PTPRR: variants seen among roughly 807,000 people sequenced by gnomAD.
PTPRR encodes protein tyrosine phosphatase receptor type R.
A neutral mutation model predicts 77.2 loss-of-function variants in PTPRR; 38 were observed. The ratio of observed to expected loss-of-function variants is 0.49; its 90% confidence interval spans 0.38 to 0.65. The LOEUF (loss-of-function observed/expected upper bound fraction) is 0.65, where lower values mean the gene tolerates loss of function less well. Ranked by LOEUF, PTPRR falls within the 30% of genes least tolerant of loss-of-function variation. The pLI, the probability that PTPRR is intolerant of heterozygous loss-of-function variation, is 0.00. For missense variants in PTPRR, 744 were observed against 799.2 expected, an observed-to-expected ratio of 0.93 and a Z score of 0.83; for synonymous variants, 299 against 283.1, an observed-to-expected ratio of 1.06 and a Z score of -0.57.
At chr12:70,769,667 T>A (rs892223943) in intron 2 of PTPRR, among the ~76,000 whole-genome samples, 4 of 151,888 alleles carry the variant, frequency 2.6e-5, no homozygotes, top group African/African-American at 7.3e-5. Flanking sequence ...TACTTTAAAG[T>A]TCATATGGAA....
intron 2 of PTPRR, among the ~76,000 whole-genome samples, chr12:70,817,170 C>T (rs1373264967): frequency 6.6e-6 from 1 of 151,994 alleles, no homozygotes; most frequent in Non-Finnish European, 1.5e-5. Context: ...AAAAGTAACA[C>T]CTATGTTAAA....
intron 10 of PTPRR, among the ~76,000 whole-genome samples, chr12:70,668,673 T>A (rs1887102658): frequency 6.6e-6 from 1 of 152,212 alleles, no homozygotes; most frequent in South Asian, 2.1e-4. Context: ...CACTTTATTT[T>A]AAAGTAAAAT....
chr12:70,691,550 C>T (rs1360084327), intron 8 of PTPRR, among the ~76,000 whole-genome samples: 3 of 152,164 alleles, frequency 2.0e-5, no homozygotes, highest in Admixed American at 6.5e-5. Context: ...ATACTTCAGA[C>T]CAGCCCGGTC....
intron 1 of PTPRR, among the ~76,000 whole-genome samples, chr12:70,898,470 CTT>C (rs1415898408): frequency 1.3e-5 from 2 of 148,742 alleles, no homozygotes; most frequent in Non-Finnish European, 3.0e-5. Context: ...CCTTGATACT[CTT>C]TATATAATTA....
intron 2 of PTPRR, among the ~76,000 whole-genome samples, chr12:70,770,808 G>A (rs577103379): frequency 1.1e-4 from 17 of 151,966 alleles, no homozygotes; most frequent in Non-Finnish European, 1.9e-4. Context: ...TATACACCAC[G>A]GAATACTATG....
At chr12:70,799,136 T>A (rs2137018042) in intron 2 of PTPRR, among the ~76,000 whole-genome samples, 1 of 152,306 alleles carries the variant, frequency 6.6e-6, no homozygotes, top group South Asian at 2.1e-4. Context: ...TGACCATACC[T>A]GTACACATTA....
rs1282522669 is a variant in PTPRR at position 70,660,953 on chromosome 12, C to T, written c.1753G>A (p.Val585Ile). 11 of 1,613,304 alleles carry T rather than the reference C, an allele frequency of 6.8e-6. No homozygotes were observed. Among genetic ancestry groups the T allele is most frequent in the Non-Finnish European group, 9.3e-6 (11 of 1,179,620 alleles). Residue 585 changes from valine (V) to isoleucine (I), a missense_variant, in exon 12 of 14, where the codon GTT becomes ATT. Val to Ile is a conservative substitution (Grantham distance 29). Coordinates refer to ENST00000283228, the MANE Select transcript of PTPRR (RefSeq NM_002849.4). ...RLASQGRGPV[V>I]VHCSAGIGRT... ...TACACGTCTTACCTGCAGTGGACAA[C>T]CACAGGCCCTCGGCCCTGGGAAGCA...
intron 1 of PTPRR, among the ~76,000 whole-genome samples, chr12:70,900,539 C>T (rs1165800992): frequency 1.3e-5 from 2 of 151,374 alleles, no homozygotes; most frequent in Non-Finnish European, 3.0e-5. Flanking sequence ...TTGCATCAAA[C>T]TAAAAAGCTT....
chr12:70,747,615 C>T (rs1258100939), intron 5 of PTPRR, among the ~76,000 whole-genome samples: 1 of 152,114 alleles, frequency 6.6e-6, no homozygotes. Context: ...AAAGTCCTTC[C>T]TTACCATTCA....
intron 2 of PTPRR, among the ~76,000 whole-genome samples, chr12:70,811,058 G>A (rs185587451): frequency 1.1e-4 from 17 of 152,208 alleles, no homozygotes; most frequent in African/African-American, 3.9e-4. Context: ...AGGACCGTAG[G>A]ATGTAGATTC....
intron 12 of PTPRR, among the ~76,000 whole-genome samples, chr12:70,660,143 C>G (rs1886741411): frequency 6.6e-6 from 1 of 150,522 alleles, no homozygotes; most frequent in Non-Finnish European, 1.5e-5. Context: ...CGCCACTGCA[C>G]TCCAGCCTGG....
chr12:70,788,996 G>A (rs756945825), intron 2 of PTPRR: 160 of 839,428 alleles, frequency 1.9e-4, no homozygotes, highest in Non-Finnish European at 2.6e-4. Flanking sequence ...GAGACACTGC[G>A]GATCCCAGGT....
At chr12:70,744,043 C>G (rs1890135079) in intron 6 of PTPRR, among the ~76,000 whole-genome samples, 5 of 152,136 alleles carry the variant, frequency 3.3e-5, no homozygotes, top group Admixed American at 3.3e-4. Context: ...TTGCCACCGG[C>G]CCTTCGTTCA....
intron 2 of PTPRR, among the ~76,000 whole-genome samples, chr12:70,805,243 C>G (rs966677607): frequency 1.3e-5 from 2 of 151,880 alleles, no homozygotes; most frequent in African/African-American, 4.8e-5. Context: ...TTTTGTACTT[C>G]TTGCAGTGCT....
intron 8 of PTPRR, among the ~76,000 whole-genome samples, chr12:70,695,524 G>T (rs1267877381): frequency 1.3e-5 from 2 of 152,090 alleles, no homozygotes; most frequent in African/African-American, 4.8e-5. Flanking sequence ...TGAATCCAGC[G>T]GTCCACCCAG....
At position 70,765,794 on chromosome 12, in the gene PTPRR, C is replaced by T. The variant is rs560470456; in HGVS notation, c.358-1016G>A. On this transcript the variant is annotated intron_variant, in intron 2 of 13. Transcript: ENST00000283228. ...GGGGCAGACTGACACCTCACACAGC[C>T]GGGTACTCCTCTGAGACAAAACTTC... Among the ~76,000 whole-genome samples the T allele has an allele frequency of 1.5e-4, 23 of 152,238 alleles. No homozygotes were observed. The South Asian group carries it at 3.5e-3, about 23-fold the overall frequency.
At chr12:70,677,706 A>G (rs1887499337) in intron 10 of PTPRR, among the ~76,000 whole-genome samples, 1 of 152,228 alleles carries the variant, frequency 6.6e-6, no homozygotes, top group Non-Finnish European at 1.5e-5. Context: ...GATGTATCAT[A>G]TTTATTAGTT....
chr12:70,797,716 G>T (rs186354713), intron 2 of PTPRR, among the ~76,000 whole-genome samples: 113 of 152,190 alleles, frequency 7.4e-4, no homozygotes, highest in African/African-American at 2.6e-3. Context: ...GAGTACTCTT[G>T]TCTTCTTGAA....
rs35818832 is a variant in PTPRR, at chr12:70,840,971, C to CTTTTT, written c.357+51703_357+51707dup. On this transcript the variant is annotated intron_variant, in intron 2 of 13. Transcript: ENST00000283228. ...GTCTTTCTGTCTTGAGTTTTTATGG[C>CTTTTT]TTTTTTTTTTTTTTTGTCTAAAACT... 1.9e-4 allele frequency among the ~76,000 whole-genome samples: 25 copies of CTTTTT among 133,268 alleles called. 2 individuals are homozygous for CTTTTT. The highest frequency in any genetic ancestry group is 6.2e-4 in the African/African-American group (22 of 35,270). 87.4% of individuals were successfully genotyped at this position (133,268 alleles called of 152,430 possible). A position where few individuals can be genotyped will look rare whatever the true frequency, so the allele number is the denominator to read the frequency against.
Sources: allele counts gnomAD v4.1 joint callset (sites outside exome capture counted in the v4.1 genomes callset), GRCh38; gene constraint gnomAD v4.1.1; transcripts MANE v1.5; gene names NCBI Gene and HGNC (gene_info 2026-07-23, HGNC 2026-07-21).